The following RPF2 variants were observed in gnomAD, a reference collection of about 807,000 sequenced individuals.
The protein encoded by RPF2 is ribosome production factor 2 homolog, also known as brix domain containing 1.
RPF2 carries 21 observed loss-of-function variants against 38.9 expected under a neutral mutation model. That is an observed-to-expected ratio of 0.54 (90% CI 0.38 to 0.78). The LOEUF (loss-of-function observed/expected upper bound fraction) is 0.78, where lower values mean the gene tolerates loss of function less well. Ranked by LOEUF, RPF2 falls within the 30% of genes least tolerant of loss-of-function variation. The pLI, the probability that RPF2 is intolerant of heterozygous loss-of-function variation, is 0.00. For missense variants in RPF2, 314 were observed against 358.1 expected (o/e 0.88, Z 0.99); for synonymous variants, 121 against 126.2 (o/e 0.96, Z 0.28).
chr6:111,006,200 G>C (rs1207671466), intron 6 of RPF2, among the ~76,000 whole-genome samples: 1 of 151,852 alleles, frequency 6.6e-6, no homozygotes, highest in East Asian at 1.9e-4. Context: ...TAAAGTGCTG[G>C]GATTACAAGT....
intron 5 of RPF2, among the ~76,000 whole-genome samples, chr6:110,999,329 A>G (rs1393847401): frequency 6.6e-6 from 1 of 152,168 alleles, no homozygotes; most frequent in Non-Finnish European, 1.5e-5. Flanking sequence ...TAGAAAAAAA[A>G]ATGTATCGAC....
At chr6:111,018,067 G>A (rs2114348849) in intron 8 of RPF2, among the ~76,000 whole-genome samples, 1 of 152,206 alleles carries the variant, frequency 6.6e-6, no homozygotes, top group East Asian at 1.9e-4. Context: ...ACGAAAACCA[G>A]TCAGGCGTGG....
intron 6 of RPF2, among the ~76,000 whole-genome samples, chr6:111,004,399 G>C (rs1771872322): frequency 6.6e-6 from 1 of 151,512 alleles, no homozygotes; most frequent in African/African-American, 2.4e-5. Flanking sequence ...GGCCAGGCTA[G>C]TCTCAAACTC....
At position 111,008,143 on chromosome 6, in the gene RPF2, T is replaced by C. The variant is rs1224588351; in HGVS notation, c.493+6T>C. 2 of 1,590,554 alleles carry C rather than the reference T, an allele frequency of 1.3e-6. No homozygotes were observed. The highest frequency in any genetic ancestry group is 1.4e-5 in the African/African-American group (1 of 73,828). ...ACTAAAAAGTCTTCTTATTGGTAAG[T>C]ATTTTAGTATTTATTATCTTCAGGG... On this transcript the variant is annotated splice_donor_region_variant and intron_variant, in intron 7 of 9. Transcript: ENST00000441448.
chr6:110,984,141 G>T (rs1277451784), intron 1 of RPF2, among the ~76,000 whole-genome samples: 2 of 152,166 alleles, frequency 1.3e-5, no homozygotes, highest in Admixed American at 6.5e-5. Context: ...CCCCATTGTT[G>T]GCAATAATAC....
At chr6:111,011,296 C>CTTTTTTTTTTTTTTTTT (rs1562373415) in intron 7 of RPF2, among the ~76,000 whole-genome samples, 1 of 143,004 alleles carries the variant, frequency 7.0e-6, no homozygotes, top group South Asian at 2.2e-4. Flanking sequence ...TTCTTTCTTT[C>CTTTTTTTTTTTTTTTTT]TTTCTTTCTT....
intron 4 of RPF2, among the ~76,000 whole-genome samples, chr6:110,993,689 C>T (rs906804558): frequency 6.6e-6 from 1 of 152,162 alleles, no homozygotes; most frequent in African/African-American, 2.4e-5. Flanking sequence ...GCTTTTCTTA[C>T]ACTTGAGGTT....
rs754731328 is a variant in RPF2, at chr6:110,994,732, T to TACACACACACACAC, written c.235-2450_235-2449insCACACACACACACA. ...CTTTGTGGAGAATGGGATGAGTATATATACACACACACACACACACACACA... is the reference window on the plus strand; with the variant it reads ...CTTTGTGGAGAATGGGATGAGTATATACACACACACACACATACACACACACACACACACACACA... On this transcript the variant is annotated intron_variant, in intron 4 of 9. Transcript: ENST00000441448. Among the ~76,000 whole-genome samples the TACACACACACACAC allele has an allele frequency of 4.0e-3, 407 of 101,858 alleles. 1 individual carries two copies. The highest frequency in any genetic ancestry group is 0.016 in the African/African-American group (365 of 23,198). 66.8% of individuals were successfully genotyped at this position (101,858 alleles called of 152,430 possible).
rs770869665 is a variant in RPF2 at position 111,015,746 on chromosome 6, G to A, written c.494-8G>A. The A allele has an allele frequency of 6.4e-7, 1 of 1,563,434 alleles. No individual in the cohort carries two copies. Among genetic ancestry groups the A allele is most frequent in the Non-Finnish European group, 8.8e-7 (1 of 1,135,912 alleles). On this transcript the variant is annotated splice_polypyrimidine_tract_variant and splice_region_variant and intron_variant, in intron 7 of 9. Transcript: ENST00000441448. ...TTGTTTTGTTAATAATTTAATATGT[G>A]CTTTTAGATTTCTTCAGAGGCCCCA...
chr6:111,010,268 A>G (rs1771989788), intron 7 of RPF2, among the ~76,000 whole-genome samples: 1 of 151,650 alleles, frequency 6.6e-6, no homozygotes, highest in South Asian at 2.1e-4. Context: ...CTACAGGTTC[A>G]CACCACCATG....
intron 6 of RPF2, among the ~76,000 whole-genome samples, chr6:111,006,484 G>A (rs1344792389): frequency 2.0e-5 from 3 of 151,738 alleles, no homozygotes; most frequent in Non-Finnish European, 4.4e-5. Context: ...GATCAGCCCC[G>A]TCTCTGCCTC....
At chr6:111,006,316 CCTCT>C (rs1771907292) in intron 6 of RPF2, among the ~76,000 whole-genome samples, 4 of 151,892 alleles carry the variant, frequency 2.6e-5, no homozygotes, top group Admixed American at 2.6e-4. Context: ...CTCACTACAA[CCTCT>C]GTCTCTTGGG....
At chr6:110,983,432 G>A (rs1771465553) in intron 1 of RPF2, among the ~76,000 whole-genome samples, 1 of 151,906 alleles carries the variant, frequency 6.6e-6, no homozygotes, top group Non-Finnish European at 1.5e-5. Flanking sequence ...CTGCAGCCTC[G>A]ACCTCCCTGG....
intron 3 of RPF2, among the ~76,000 whole-genome samples, chr6:110,990,266 C>T (rs1478153419): frequency 7.7e-6 from 1 of 129,306 alleles, no homozygotes. Context: ...CTCTTTTTCT[C>T]TTCAGGATCC....
At chr6:110,997,687 G>A (rs1239505078) in intron 5 of RPF2, among the ~76,000 whole-genome samples, 1 of 152,154 alleles carries the variant, frequency 6.6e-6, no homozygotes, top group African/African-American at 2.4e-5. Context: ...CTGTACTCCA[G>A]CCTGGGTGAC....
intron 3 of RPF2, among the ~76,000 whole-genome samples, chr6:110,991,201 T>C (rs148913961): frequency 7.2e-5 from 11 of 152,312 alleles, no homozygotes; most frequent in Non-Finnish European, 1.3e-4. Flanking sequence ...CGATTACTTA[T>C]AATATCTAAT....
intron 6 of RPF2, 129 bp from the exon 7 acceptor site, chr6:111,007,909 T>A: frequency 1.8e-6 from 2 of 1,093,322 alleles, no homozygotes. Flanking sequence ...ATTGTGCCAC[T>A]GCACTCCAGC....
intron 4 of RPF2, among the ~76,000 whole-genome samples, chr6:110,992,935 A>T (rs1332600512): frequency 6.6e-6 from 1 of 152,146 alleles, no homozygotes; most frequent in Non-Finnish European, 1.5e-5. Flanking sequence ...AAATAAAAAA[A>T]CTTAATATGA....
intron 6 of RPF2, among the ~76,000 whole-genome samples, chr6:111,000,989 G>A (rs1312103093): frequency 1.3e-5 from 2 of 152,144 alleles, no homozygotes; most frequent in Admixed American, 6.6e-5. Context: ...TTTAAGAGGA[G>A]GACATGCTTT....
Sources: allele counts gnomAD v4.1 joint callset (sites outside exome capture counted in the v4.1 genomes callset), GRCh38; gene constraint gnomAD v4.1.1; transcripts MANE v1.5; gene names NCBI Gene and HGNC (gene_info 2026-07-23, HGNC 2026-07-21).